EHBP1: variants seen among roughly 807,000 people sequenced by gnomAD.
EHBP1 encodes EH domain-binding protein 1.
EHBP1 carries 55 observed loss-of-function variants against 144.0 expected under a neutral mutation model. The ratio of observed to expected loss-of-function variants is 0.38; its 90% CI spans 0.31 to 0.48. The LOEUF is 0.48. Ranked by LOEUF, EHBP1 falls within the 20% of genes least tolerant of loss-of-function variation. The pLI is 0.98. For synonymous variants in EHBP1, 469 were observed against 472.7 expected (o/e 0.99, Z 0.10); for missense variants, 1,200 against 1,364.2 (o/e 0.88, Z 1.90).
At chr2:62,906,850 A>T (rs901467548) in intron 10 of EHBP1, among the ~76,000 whole-genome samples, 2 of 152,222 alleles carry the variant, frequency 1.3e-5, no homozygotes, top group Non-Finnish European at 2.9e-5. Context: ...ACCATATAGT[A>T]TTATTTCAGG....
At chr2:62,942,005 A>G (rs2056784163) in intron 10 of EHBP1, among the ~76,000 whole-genome samples, 1 of 152,058 alleles carries the variant, frequency 6.6e-6, no homozygotes, top group Non-Finnish European at 1.5e-5. Context: ...AACAAGGGTA[A>G]AAGTATATAC....
In EHBP1 at chr2:62,678,186, G is replaced by A. The variant is rs113186616; in HGVS notation, c.-296+4103G>A. On this transcript the variant is annotated intron_variant, in intron 1 of 22. Coordinates refer to the EHBP1 transcript ENST00000405015. The stretch of plus-strand genomic sequence containing the variant: ...ATAAAAGCCATTTTAACTGGTGTAA[G>A]ATTATGATATCTCACTGCAGTTTTG... 3.6e-3 allele frequency among the ~76,000 whole-genome samples: 541 copies of A among 152,284 alleles called. 2 individuals carry two copies. The highest frequency in any genetic ancestry group is 6.0e-3 in the Non-Finnish European group (409 of 68,018).
intron 14 of EHBP1, among the ~76,000 whole-genome samples, chr2:62,963,850 A>G (rs538197374): frequency 6.6e-6 from 1 of 152,316 alleles, no homozygotes; most frequent in African/African-American, 2.4e-5. Context: ...TGAAATGAAA[A>G]TACATCCTTA....
intron 19 of EHBP1, among the ~76,000 whole-genome samples, chr2:63,029,656 CTG>C (rs1468955518): frequency 6.6e-6 from 1 of 152,056 alleles, no homozygotes; most frequent in African/African-American, 2.4e-5. Context: ...GATGAAGAAA[CTG>C]AGGTTTAGAG....
intron 7 of EHBP1, among the ~76,000 whole-genome samples, chr2:62,846,278 A>G (rs1426046497): frequency 6.6e-6 from 1 of 152,226 alleles, no homozygotes; most frequent in African/African-American, 2.4e-5. Flanking sequence ...AGAAGTCAGA[A>G]GCCTTCCAGT....
chr2:63,006,789 C>T (rs548396004), intron 19 of EHBP1, among the ~76,000 whole-genome samples: 1 of 151,526 alleles, frequency 6.6e-6, no homozygotes, highest in Non-Finnish European at 1.5e-5. Flanking sequence ...GAGTTCAGTA[C>T]ATTTGTTAGT....
At chr2:62,778,280 C>T (rs1316929222) in intron 5 of EHBP1, among the ~76,000 whole-genome samples, 2 of 152,012 alleles carry the variant, frequency 1.3e-5, no homozygotes, top group Non-Finnish European at 2.9e-5. Context: ...TAGCACACGC[C>T]TGAATCTTAA....
At chr2:62,901,964 C>CA (rs879625156) in intron 10 of EHBP1, among the ~76,000 whole-genome samples, 267 of 108,974 alleles carry the variant, frequency 2.5e-3, no homozygotes, top group Middle Eastern at 0.017. Flanking sequence ...AACGCTGTCT[C>CA]AAAAAAAAAA....
rs899956009 is a variant in EHBP1, at chr2:62,751,195, G to A, written c.162+3743G>A. Among the ~76,000 whole-genome samples the A allele has an allele frequency of 7.9e-5, 12 of 152,234 alleles. No homozygotes were observed. In the East Asian group the frequency reaches 1.9e-3, roughly 24 times the overall value. On this transcript the variant is annotated intron_variant, in intron 3 of 22. Coordinates refer to ENST00000431489, the MANE Select transcript of EHBP1 (RefSeq NM_001142616.3). ...TTTATTGAGAGTTTTTAGCATGAAGGGCTGTTGAATTTTGTCGAAGGCCTT... is the reference window on the plus strand; with the variant it reads ...TTTATTGAGAGTTTTTAGCATGAAGAGCTGTTGAATTTTGTCGAAGGCCTT...
At chr2:62,977,685 T>C (rs1285678857) in intron 14 of EHBP1, among the ~76,000 whole-genome samples, 1 of 152,096 alleles carries the variant, frequency 6.6e-6, no homozygotes, top group Non-Finnish European at 1.5e-5. Flanking sequence ...AATTATGTGC[T>C]AAAGACCAGA....
At chr2:63,022,454 A>G (rs1274910431) in intron 19 of EHBP1, among the ~76,000 whole-genome samples, 2 of 152,102 alleles carry the variant, frequency 1.3e-5, no homozygotes, top group African/African-American at 2.4e-5. Flanking sequence ...AGCTGGGACT[A>G]CAGACATGCA....
At chr2:62,822,513 A>G (rs993603368) in intron 5 of EHBP1, among the ~76,000 whole-genome samples, 5 of 152,198 alleles carry the variant, frequency 3.3e-5, no homozygotes, top group Admixed American at 1.3e-4. Flanking sequence ...AGTGCTGACT[A>G]TATGCTAAAT....
In EHBP1 at chr2:62,741,213, T is replaced by C. The variant is rs577485902; in HGVS notation, c.105-6182T>C. On this transcript the variant is annotated intron_variant, in intron 2 of 22. Coordinates refer to ENST00000431489, the MANE Select transcript of EHBP1 (RefSeq NM_001142616.3). Reference sequence around the variant, plus strand: ...TTACTCCAGAAGTGACATAGACCCCTTCTCATGTTCTAGAGGTGAGAAGTA... The same window carrying C: ...TTACTCCAGAAGTGACATAGACCCCCTCTCATGTTCTAGAGGTGAGAAGTA... Among the ~76,000 whole-genome samples, 43 of 152,276 alleles carry C rather than the reference T, an allele frequency of 2.8e-4. 1 individual carries two copies. The highest frequency in any genetic ancestry group is 1.0e-3 in the South Asian group (5 of 4,828).
At chr2:62,860,891 A>T (rs2049471083) in intron 8 of EHBP1, among the ~76,000 whole-genome samples, 1 of 152,132 alleles carries the variant, frequency 6.6e-6, no homozygotes, top group Admixed American at 6.5e-5. Context: ...AGAGCCAAAC[A>T]AGTATGTGTC....
chr2:62,888,083 GAC>G (rs1486615235), intron 10 of EHBP1, among the ~76,000 whole-genome samples: 1 of 152,184 alleles, frequency 6.6e-6, no homozygotes, highest in Non-Finnish European at 1.5e-5. Context: ...AAATTTATAA[GAC>G]ACAAAATTTA....
intron 14 of EHBP1, among the ~76,000 whole-genome samples, chr2:62,966,473 A>C (rs1279557143): frequency 6.6e-6 from 1 of 152,074 alleles, no homozygotes; most frequent in Non-Finnish European, 1.5e-5. Flanking sequence ...ATTACTTTAT[A>C]CCTTTTCCCG....
intron 1 of EHBP1, among the ~76,000 whole-genome samples, chr2:62,688,069 A>G (rs2033777153): frequency 2.0e-5 from 3 of 152,192 alleles, no homozygotes; most frequent in African/African-American, 7.2e-5. Flanking sequence ...AAAGCAGCAA[A>G]GTGATATATC....
intron 7 of EHBP1, among the ~76,000 whole-genome samples, chr2:62,856,739 A>G (rs1017932077): frequency 3.9e-5 from 6 of 152,252 alleles, no homozygotes; most frequent in South Asian, 2.1e-4. Flanking sequence ...TGACACACAC[A>G]TTAAGTGAGC....
intron 2 of EHBP1, among the ~76,000 whole-genome samples, chr2:62,730,754 A>G (rs949295805): frequency 8.9e-6 from 1 of 112,810 alleles, no homozygotes; most frequent in South Asian, 2.8e-4. Context: ...AAAGAGAGAA[A>G]GAAAGAGAGA....
Sources: allele counts gnomAD v4.1 joint callset (sites outside exome capture counted in the v4.1 genomes callset), GRCh38; gene constraint gnomAD v4.1.1; transcripts MANE v1.5; gene names NCBI Gene and HGNC (gene_info 2026-07-23, HGNC 2026-07-21).